Variants in NRG4 observed in about 807,000 individuals in gnomAD.
NRG4 encodes pro-neuregulin-4, membrane-bound isoform.
In NRG4, 10 loss-of-function variants were observed where a neutral mutation model predicts 15.0. That is an observed-to-expected ratio of 0.67 (90% CI 0.41 to 1.13). The LOEUF (loss-of-function observed/expected upper bound fraction) is 1.13. Ranked by LOEUF, NRG4 falls within the 50% of genes most tolerant of loss-of-function variation. The pLI is 0.00. For synonymous variants in NRG4, 41 were observed against 50.1 expected, an observed-to-expected ratio of 0.82 and a Z score of 0.77; for missense variants, 139 against 140.2, an observed-to-expected ratio of 0.99 and a Z score of 0.04.
intron 5 of NRG4, among the ~76,000 whole-genome samples, chr15:76,022,270 GAC>G (rs1325142314): frequency 6.6e-6 from 1 of 152,186 alleles, no homozygotes; most frequent in East Asian, 1.9e-4. Context: ...AAAAAAAGAG[GAC>G]AGTCTCTTGC....
chr15:76,010,553 T>C (rs1029819260), intron 2 of NRG4, among the ~76,000 whole-genome samples: 1 of 151,996 alleles, frequency 6.6e-6, no homozygotes, highest in African/African-American at 2.4e-5. Flanking sequence ...GCCCTAAGAG[T>C]ATAAAAATGT....
chr15:76,046,357 A>C (rs1433764981), intron 4 of NRG4, among the ~76,000 whole-genome samples: 1 of 151,300 alleles, frequency 6.6e-6, no homozygotes, highest in Non-Finnish European at 1.5e-5. Context: ...AAAATTCTTA[A>C]ATTTATATGG....
intron 4 of NRG4, among the ~76,000 whole-genome samples, chr15:76,036,159 A>G (rs924946759): frequency 6.6e-6 from 1 of 152,240 alleles, no homozygotes; most frequent in Non-Finnish European, 1.5e-5. Context: ...TTTCTAAGAC[A>G]AAAAGACTGA....
intron 1 of NRG4, among the ~76,000 whole-genome samples, 157 bp from the exon 2 acceptor site, chr15:76,011,443 AG>A (rs1458270984): frequency 3.3e-5 from 5 of 152,302 alleles, no homozygotes; most frequent in African/African-American, 1.2e-4. Context: ...CAGCATTTTT[AG>A]ATACCTATTG....
intron 4 of NRG4, among the ~76,000 whole-genome samples, chr15:76,049,761 C>T (rs1313015003): frequency 6.6e-6 from 1 of 150,918 alleles, no homozygotes; most frequent in Non-Finnish European, 1.5e-5. Context: ...TAGCCTGTTT[C>T]TCATTGTTTG....
rs138181785 is a variant in NRG4, at chr15:75,983,191, G to A, written c.105-21217C>T. On this transcript the variant is annotated intron_variant, in intron 3 of 5. Transcript: ENST00000394907. ...GGAACAAACAGACAAGAATCAAGCC[G>A]CTAATATAACTATCCTCAATGAAGC... Among the ~76,000 whole-genome samples the A allele has an allele frequency of 1.8e-3, 276 of 151,908 alleles. 3 individuals are homozygous for A. Among genetic ancestry groups the A allele is most frequent in the African/African-American group, 6.2e-3 (255 of 41,264 alleles).
Position 76,038,791 on chromosome 15 carries a change from G to A in NRG4, c.-104-2800C>T, listed in dbSNP as rs181610319. ...AAGTGGCAGCCAGGTACTGGTTACA[G>A]CAGGCCTTGGGCAAGACCCAGTGCT... On this transcript the variant is annotated intron_variant, in intron 4 of 8. Transcript: ENST00000563910. Among the ~76,000 whole-genome samples, 1,163 of 152,232 alleles carry A rather than the reference G, an allele frequency of 7.6e-3. 21 individuals are homozygous for A. Among genetic ancestry groups the A allele is most frequent in the African/African-American group, 0.026 (1,069 of 41,508 alleles).
downstream of NRG4, chr15:75,936,143 T>G (rs1245073518): frequency 6.6e-6 from 1 of 152,204 alleles, no homozygotes; most frequent in Admixed American, 6.5e-5. Context: ...ATAAATATGC[T>G]TTTGTCATTT....
chr15:76,012,278 T>G (rs1184868384), intron 1 of NRG4, 41 bp downstream of exon 1: 1 of 152,202 alleles, frequency 6.6e-6, no homozygotes, highest in Non-Finnish European at 1.5e-5. Flanking sequence ...TACTGTTTCT[T>G]TTTTCCAAAC....
At chr15:76,016,709 G>A (rs544936537), upstream of NRG4, among the ~76,000 whole-genome samples, 119 of 151,598 alleles carry the variant, frequency 7.8e-4, no homozygotes, top group South Asian at 2.5e-3. Context: ...AGACTGTTAT[G>A]ATTTCCATTA....
intron 5 of NRG4, among the ~76,000 whole-genome samples, chr15:76,018,154 G>A (rs541543435): frequency 2.6e-5 from 4 of 152,004 alleles, no homozygotes; most frequent in African/African-American, 7.2e-5. Flanking sequence ...TGAAGTTCTC[G>A]TGCTATGTTT....
At chr15:76,018,812 A>T (rs1280292156) in intron 5 of NRG4, among the ~76,000 whole-genome samples, 1 of 151,960 alleles carries the variant, frequency 6.6e-6, no homozygotes, top group Non-Finnish European at 1.5e-5. Context: ...GGGGTTAGGG[A>T]CTCACTTGAG....
At chr15:76,015,284 C>A (rs958650886), upstream of NRG4, among the ~76,000 whole-genome samples, 1 of 152,202 alleles carries the variant, frequency 6.6e-6, no homozygotes, top group Non-Finnish European at 1.5e-5. Context: ...ATGTCATCTG[C>A]AAACAGAGAC....
In NRG4 at chr15:76,011,303, A is replaced by T; in HGVS notation, c.-56-17T>A. 1 of 1,253,664 alleles carries T rather than the reference A, an allele frequency of 8.0e-7. No homozygotes were observed. Among genetic ancestry groups the T allele is most frequent in the South Asian group, 2.6e-5 (1 of 37,918 alleles). The allele number at this position is 1,253,664 out of a possible 1,614,324, so 77.7% of individuals were successfully genotyped here. On this transcript the variant is annotated splice_polypyrimidine_tract_variant and intron_variant, in intron 1 of 5. Coordinates refer to ENST00000394907, the MANE Select transcript of NRG4 (RefSeq NM_138573.4). Reference sequence around the variant, plus strand: ...AAACAGTACCTAAAACGGTTTAAAAAGTAATAATTCAGGGAAAATAGTCTT... The same window carrying T: ...AAACAGTACCTAAAACGGTTTAAAATGTAATAATTCAGGGAAAATAGTCTT...
At chr15:76,041,989 C>A (rs1277867689) in intron 4 of NRG4, among the ~76,000 whole-genome samples, 2 of 151,846 alleles carry the variant, frequency 1.3e-5, no homozygotes, top group Non-Finnish European at 2.9e-5. Flanking sequence ...TCTTTTCTGA[C>A]CACAATGGAA....
At chr15:75,989,092 A>G (rs2033910384) in intron 3 of NRG4, among the ~76,000 whole-genome samples, 1 of 152,086 alleles carries the variant, frequency 6.6e-6, no homozygotes, top group South Asian at 2.1e-4. Context: ...ACCTGAGCTC[A>G]AGCAATCCTC....
At position 75,980,391 on chromosome 15, in the gene NRG4, T is replaced by G. The variant is rs926676164; in HGVS notation, c.105-18417A>C. On this transcript the variant is annotated intron_variant, in intron 3 of 5. Transcript: ENST00000394907. ...CATTTTTTTCTTTGGGGATTTTTTTTTTTTTTTTTACTGATGTTAGTTCAT... is the reference window on the plus strand; with the variant it reads ...CATTTTTTTCTTTGGGGATTTTTTTGTTTTTTTTTACTGATGTTAGTTCAT... Among the ~76,000 whole-genome samples, 584 of 151,748 alleles carry G rather than the reference T, an allele frequency of 3.8e-3. 3 individuals carry two copies. The highest frequency in any genetic ancestry group is 0.013 in the African/African-American group (542 of 41,502).
chr15:76,021,507 G>A (rs2454209), intron 5 of NRG4, among the ~76,000 whole-genome samples: 14,663 of 152,160 alleles, frequency 0.096, 1,750 homozygotes, highest in African/African-American at 0.29. Context: ...ACCAAAACCT[G>A]CAATATCTCA....
chr15:75,947,020 T>G (rs1225842294), intron 5 of NRG4, among the ~76,000 whole-genome samples: 2 of 151,954 alleles, frequency 1.3e-5, no homozygotes. Context: ...GCAGGAGAGG[T>G]AGTCAAGGAA....
Sources: gnomAD v4.1 joint callset for allele counts (sites outside exome capture counted in the v4.1 genomes callset) on GRCh38, gnomAD v4.1.1 for gene constraint, MANE v1.5 for transcripts, NCBI Gene and HGNC (gene_info 2026-07-23, HGNC 2026-07-21) for gene names.